Variants in DEAF1 observed in about 807,000 individuals in gnomAD.
DEAF1 encodes the protein deformed epidermal autoregulatory factor 1 homolog.
Under a neutral mutation model 58.9 loss-of-function variants are expected in DEAF1, and 53 were observed. The observed-to-expected ratio is 0.90, with a 90% CI of 0.72 to 1.13. The LOEUF (loss-of-function observed/expected upper bound fraction) is 1.13, where lower values mean the gene tolerates loss of function less well. Ranked by LOEUF, DEAF1 falls within the 50% of genes most tolerant of loss-of-function variation. DEAF1 has a pLI of 0.00. For missense variants in DEAF1, 685 were observed against 791.4 expected (o/e 0.87, Z 1.61); for synonymous variants, 385 against 340.4 (o/e 1.13, Z -1.44).
chr11:646,905 A>T (rs530530731), intron 11 of DEAF1, among the ~76,000 whole-genome samples: 1 of 152,336 alleles, frequency 6.6e-6, no homozygotes, highest in African/African-American at 2.4e-5. Context: ...GACTGTAAAA[A>T]CAATGACTTC....
upstream of DEAF1, chr11:698,987 T>G (rs1243655735): frequency 7.0e-7 from 1 of 1,430,740 alleles, no homozygotes; most frequent in African/African-American, 1.4e-5. Context: ...CTAAGTTCTG[T>G]CTAGTAATTC....
intron 1 of DEAF1, chr11:704,132 C>A (rs566969370): frequency 7.1e-6 from 8 of 1,127,820 alleles, no homozygotes; most frequent in East Asian, 6.9e-5. Context: ...TCCCTGAATT[C>A]TCCTAATTAT....
intron 11 of DEAF1, among the ~76,000 whole-genome samples, chr11:648,164 C>T (rs1266391887): frequency 6.6e-6 from 1 of 151,562 alleles, no homozygotes; most frequent in Non-Finnish European, 1.5e-5. Context: ...CATACCAAGT[C>T]CTCTACAATT....
chr11:702,855 C>G, intron 1 of DEAF1: 1 of 1,298,416 alleles, frequency 7.7e-7, no homozygotes, highest in Admixed American at 2.2e-5. Flanking sequence ...AGGAGCTGCT[C>G]TGGTCCCAGC....
chr11:686,885 C>T lies in DEAF1; in HGVS notation c.777G>A (p.Ala259=), dbSNP rs747412708. 18 of 1,614,094 alleles carry T rather than the reference C, an allele frequency of 1.1e-5. No individual in the cohort carries two copies. The highest frequency in any genetic ancestry group is 6.6e-5 in the South Asian group (6 of 91,088). ...SKDWKRSIRY[A]GRPLQCLIQD... ...GGATGAGGCACTGCAAGGGTCGGCC[C>T]GCGTAGCGAATGCTTCTTTTCCAGT... Residue 259 remains alanine, a synonymous_variant, in exon 5 of 12, where the codon GCG becomes GCA. Coordinates refer to ENST00000382409, the MANE Select transcript of DEAF1 (RefSeq NM_021008.4).
At chr11:696,856 G>A (rs1590031852), upstream of DEAF1, among the ~76,000 whole-genome samples, 5 of 125,224 alleles carry the variant, frequency 4.0e-5, no homozygotes, top group Admixed American at 8.6e-5. Flanking sequence ...AAAGCGGGCG[G>A]ATCACCTGAG....
At chr11:657,021 A>G (rs551403948) in intron 10 of DEAF1, among the ~76,000 whole-genome samples, 9 of 150,510 alleles carry the variant, frequency 6.0e-5, no homozygotes, top group Admixed American at 3.6e-4. Context: ...TGACACCCTC[A>G]TCCCTGCTCT....
intron 10 of DEAF1, among the ~76,000 whole-genome samples, chr11:670,242 T>C (rs1859751061): frequency 6.6e-6 from 1 of 152,044 alleles, no homozygotes; most frequent in Admixed American, 6.6e-5. Flanking sequence ...CACTTTGCTG[T>C]ACATACAGTT....
At chr11:686,790 G>T in intron 5 of DEAF1, 68 bp downstream of exon 5, 1 of 1,606,078 alleles carries the variant, frequency 6.2e-7, no homozygotes, top group Non-Finnish European at 8.5e-7. Flanking sequence ...CCTCCCTCTG[G>T]CTGGGCCGCC....
chr11:646,923 T>C (rs7107643), intron 11 of DEAF1, among the ~76,000 whole-genome samples: 76,340 of 151,864 alleles, frequency 0.5, 19,452 homozygotes, highest in East Asian at 0.73. Flanking sequence ...TTCGGGAGGT[T>C]GAGGTCACTT....
At chr11:654,445 G>A (rs568645262) in intron 10 of DEAF1, among the ~76,000 whole-genome samples, 113 of 151,256 alleles carry the variant, frequency 7.5e-4, no homozygotes, top group Admixed American at 4.1e-3. Flanking sequence ...GATTACAGGC[G>A]TGAGCCACTG....
chr11:665,130 ACAC>A (rs1859461909), intron 10 of DEAF1, among the ~76,000 whole-genome samples: 1 of 136,422 alleles, frequency 7.3e-6, no homozygotes, highest in African/African-American at 2.6e-5. Context: ...ACAGGGTGTC[ACAC>A]TCGGTCACTC....
intron 10 of DEAF1, among the ~76,000 whole-genome samples, chr11:656,618 G>A (rs1200224353): frequency 6.6e-6 from 1 of 152,222 alleles, no homozygotes; most frequent in Non-Finnish European, 1.5e-5. Context: ...TGGGGTGGGA[G>A]GCTGGCGGGA....
rs1859976142 is a variant in DEAF1 at position 674,662 on chromosome 11, C to A, written c.1377G>T (p.Met459Ile). The change falls in exon 10 of 12, where the codon ATG becomes ATT. Residue 459 changes from methionine to isoleucine, a missense_variant. This residue lies in a region of DEAF1 where 343 missense variants were observed against 379.8 expected (regional missense o/e 0.90). Transcript: ENST00000382409. ...EPRSWLYLEE[M>I]VNSLLNTAQQ... Reference sequence around the variant, plus strand: ...GCGCTGTGTTGAGCAAGGAGTTGACCATCTCTTCTAGGTACAGCCAGCTCC... The same window carrying A: ...GCGCTGTGTTGAGCAAGGAGTTGACAATCTCTTCTAGGTACAGCCAGCTCC... 1 of 1,613,972 alleles carries A rather than the reference C, an allele frequency of 6.2e-7. No homozygotes were observed. Among genetic ancestry groups the A allele is most frequent in the African/African-American group, 1.3e-5 (1 of 74,936 alleles).
chr11:672,191 T>G (rs943344244), intron 10 of DEAF1, among the ~76,000 whole-genome samples: 1 of 152,220 alleles, frequency 6.6e-6, no homozygotes, highest in Admixed American at 6.5e-5. Flanking sequence ...GTTTGTTATG[T>G]GCTTGTCTGG....
chr11:644,593 T>C lies in DEAF1; in HGVS notation c.1655A>G (p.Glu552Gly). The C allele has an allele frequency of 6.2e-7, 1 of 1,613,200 alleles. No homozygotes were observed. The highest frequency in any genetic ancestry group is 8.5e-7 in the Non-Finnish European group (1 of 1,179,978). The change falls in exon 12 of 12, where the codon GAA (glutamate) becomes GGA (glycine). Residue 552 changes from glutamate to glycine, a missense_variant. Physicochemically the swap from Glu to Gly is moderately conservative, Grantham distance 98. Around this residue, in one of 3 missense-constraint regions of DEAF1, gnomAD observed 343 missense variants for 379.8 expected, o/e 0.90. Transcript: ENST00000382409. The surrounding 1 kb of genome is among the most constrained non-coding windows in gnomAD (Gnocchi z 4.3). ...CATCACGCTTTCAGCCACGTGGACT[T>C]CGTCTGCCTGGACGGTGACAGCTGC... is the stretch of plus-strand genomic sequence containing the variant. ...QSAAVTVQADEVHVAESVMEK... is the reference protein window; with the variant it reads ...QSAAVTVQADGVHVAESVMEK...
In DEAF1 at chr11:687,004, G is replaced by T; in HGVS notation, c.665-7C>A. On this transcript the variant is annotated splice_region_variant and splice_polypyrimidine_tract_variant and intron_variant, in intron 4 of 11. Coordinates refer to ENST00000382409, the MANE Select transcript of DEAF1 (RefSeq NM_021008.4). ...ATGCACCGTCCCCGGCCGCCTGCAA[G>T]GAAGGGCAGCAGTCATGATGATGGC... The T allele has an allele frequency of 6.2e-7, 1 of 1,613,950 alleles. No homozygotes were observed. Among genetic ancestry groups the T allele is most frequent in the Non-Finnish European group, 8.5e-7 (1 of 1,180,046 alleles).
chr11:700,541 G>T, intron 1 of DEAF1: 2 of 1,074,220 alleles, frequency 1.9e-6, no homozygotes, highest in Non-Finnish European at 2.8e-6. Context: ...AAAAAAAAAA[G>T]GAAAAGGCAA....
Position 685,120 on chromosome 11 carries a change from G to A in DEAF1, c.805-157C>T, listed in dbSNP as rs1347620867. 6.6e-6 allele frequency: 4 copies of A among 610,080 alleles called. No individual in the cohort carries two copies. The African/African-American group carries it at 7.0e-5, about 11-fold the overall frequency. 37.8% of individuals were successfully genotyped at this position (610,080 alleles called of 1,614,324 possible). A position where few individuals can be genotyped will look rare whatever the true frequency, so the allele number is the denominator to read the frequency against. ...TTTTTTTTGAGACAGAGTCTTGTTG[G>A]GTTGCCCAGGCTGGAGTGCAGTGGC... On this transcript the variant is annotated intron_variant, in intron 5 of 11. Transcript: ENST00000382409.
Sources: gnomAD v4.1 joint callset for allele counts (sites outside exome capture counted in the v4.1 genomes callset) on GRCh38, gnomAD v4.1.1 for gene constraint, gnomAD v4.1.1 regional missense constraint, Gnocchi (gnomAD v3.1) non-coding constraint, MANE v1.5 for transcripts, NCBI Gene and HGNC (gene_info 2026-07-23, HGNC 2026-07-21) for gene names.